ZNF562: variants seen among roughly 807,000 people sequenced by gnomAD.
ZNF562 encodes the protein zinc finger protein 562.
In ZNF562, 13 loss-of-function variants were observed where a neutral mutation model predicts 17.5. The observed-to-expected ratio is 0.74, with a 90% confidence interval of 0.48 to 1.18. The LOEUF is 1.18. ZNF562 is among the 50% of genes most tolerant of loss of function. The probability of loss-of-function intolerance (pLI) is 0.00; values close to 1 mark genes in which losing one functional copy is unlikely to be tolerated. For missense variants in ZNF562, 481 were observed against 498.5 expected (o/e 0.96, Z 0.33); for synonymous variants, 163 against 165.4 (o/e 0.99, Z 0.11).
intron 1 of ZNF562, among the ~76,000 whole-genome samples, chr19:9,662,846 C>T (rs1213749359): frequency 6.6e-6 from 1 of 151,784 alleles, no homozygotes; most frequent in Non-Finnish European, 1.5e-5. Flanking sequence ...TATGGTGAAA[C>T]CTCATCTCTA....
chr19:9,655,164 A>AT (rs1241635493), intron 5 of ZNF562, among the ~76,000 whole-genome samples: 17 of 151,432 alleles, frequency 1.1e-4, no homozygotes, highest in Admixed American at 9.2e-4. Flanking sequence ...CTAATTTTTT[A>AT]TTTTTTTGTA....
At chr19:9,669,756 A>ACACGCG (rs2044106298) in intron 1 of ZNF562, among the ~76,000 whole-genome samples, 1 of 150,504 alleles carries the variant, frequency 6.6e-6, no homozygotes, top group South Asian at 2.2e-4. Context: ...ACACACACAC[A>ACACGCG]CACACACACA....
In ZNF562 at chr19:9,646,577, C is replaced by T. The variant is rs2074808110; in HGVS notation, c.*6372G>A. The T allele has an allele frequency of 6.6e-6, 1 of 152,080 alleles. No individual in the cohort carries two copies. Among genetic ancestry groups the T allele is most frequent in the South Asian group, 2.1e-4 (1 of 4,830 alleles). The allele number at this position is 152,080 out of a possible 1,614,324, so 9.4% of individuals were successfully genotyped here. A position where few individuals can be genotyped will look rare whatever the true frequency, so the allele number is the denominator to read the frequency against. On this transcript the variant is annotated 3_prime_UTR_variant, in exon 6 of 6. Coordinates refer to ENST00000453372, the MANE Select transcript of ZNF562 (RefSeq NM_001130031.2). ...GAAAGAATTCATAAACCTGGGTACT[C>T]TCTACCAAGATTAACACAAGCAAAG...
chr19:9,656,972 G>A (rs577766225), intron 4 of ZNF562, among the ~76,000 whole-genome samples: 13 of 150,604 alleles, frequency 8.6e-5, no homozygotes, highest in African/African-American at 1.9e-4. Context: ...CCCCAGAGGC[G>A]GTGGTTGCAG....
At chr19:9,667,419 A>T (rs1202428989) in intron 1 of ZNF562, among the ~76,000 whole-genome samples, 1 of 152,218 alleles carries the variant, frequency 6.6e-6, no homozygotes, top group Non-Finnish European at 1.5e-5. Flanking sequence ...CATACTGAAC[A>T]GGGAAAAATT....
intron 1 of ZNF562, among the ~76,000 whole-genome samples, chr19:9,672,226 G>A (rs541875954): frequency 6.6e-6 from 1 of 152,172 alleles, no homozygotes; most frequent in South Asian, 2.1e-4. Flanking sequence ...ACACCCAAGA[G>A]CATACGTTGA....
At position 9,656,590 on chromosome 19, in the gene ZNF562, T is replaced by G; in HGVS notation, c.305A>C (p.Gln102Pro). The change falls in exon 5 of 6, where the codon CAG (glutamine) becomes CCG (proline). Residue 102 changes from glutamine to proline, a missense_variant. This residue lies in a region of ZNF562 where 403 missense variants were observed against 386.4 expected (regional missense o/e 1.04). Transcript: ENST00000453372. Reference sequence around the variant, plus strand: ...TATTTGATTCTTCAAAAAACCCTGCTGAAGTGATGACCGTTTGGTTCTAGG... The same window carrying G: ...TATTTGATTCTTCAAAAAACCCTGCGGAAGTGATGACCGTTTGGTTCTAGG... ...IQPRTKRSSLQQGFLKNQIFT... is the reference protein window; with the variant it reads ...IQPRTKRSSLPQGFLKNQIFT... 7 of 1,614,108 alleles carry G rather than the reference T, an allele frequency of 4.3e-6. No homozygotes were observed. The highest frequency in any genetic ancestry group is 5.1e-6 in the Non-Finnish European group (6 of 1,179,990).
chr19:9,651,148 T>G lies in ZNF562; in HGVS notation c.*1801A>C, dbSNP rs1250735601. On this transcript the variant is annotated 3_prime_UTR_variant, in exon 6 of 6. Coordinates refer to ENST00000453372, the MANE Select transcript of ZNF562 (RefSeq NM_001130031.2). The stretch of plus-strand genomic sequence containing the variant: ...AAAAAACTAAAAATGTGAAGCAGCT[T>G]TGAAACTGACAAATGAGTAGAGGCT... 6.6e-6 allele frequency: 1 copy of G among 152,042 alleles called. No homozygotes were observed. Among genetic ancestry groups the G allele is most frequent in the African/African-American group, 2.4e-5 (1 of 41,378 alleles). The allele number at this position is 152,042 out of a possible 1,614,324, so 9.4% of individuals were successfully genotyped here. A position where few individuals can be genotyped will look rare whatever the true frequency, so the allele number is the denominator to read the frequency against.
rs2074779834 is a variant in ZNF562, at chr19:9,642,615, C to A, written c.*10334G>T. The stretch of plus-strand genomic sequence containing the variant: ...CATATTTAATTTTTTAAAAAATCAA[C>A]AAAGATAGAGGGAAAACCCAAAATG... On this transcript the variant is annotated 3_prime_UTR_variant, in exon 6 of 6. Coordinates refer to ENST00000453372, the MANE Select transcript of ZNF562 (RefSeq NM_001130031.2). The A allele has an allele frequency of 6.6e-6, 1 of 151,710 alleles. No homozygotes were observed. Among genetic ancestry groups the A allele is most frequent in the African/African-American group, 2.4e-5 (1 of 41,252 alleles). The allele number at this position is 151,710 out of a possible 1,614,324, so 9.4% of individuals were successfully genotyped here. A position where few individuals can be genotyped will look rare whatever the true frequency, so the allele number is the denominator to read the frequency against.
intron 1 of ZNF562, among the ~76,000 whole-genome samples, chr19:9,666,333 A>G (rs1218491256): frequency 6.6e-6 from 1 of 151,996 alleles, no homozygotes; most frequent in Non-Finnish European, 1.5e-5. Flanking sequence ...CAAAAAAAAA[A>G]AAAAAAAAAT....
intron 4 of ZNF562, among the ~76,000 whole-genome samples, chr19:9,656,871 A>AATAT (rs142526474): frequency 0.029 from 4,123 of 142,374 alleles, 223 homozygotes; most frequent in African/African-American, 0.1. Flanking sequence ...AAAATACAAA[A>AATAT]ATATATATAT....
At position 9,662,302 on chromosome 19, in the gene ZNF562, G is replaced by A. The variant is rs568873006; in HGVS notation, c.-130-1428C>T. ...AAATATTCAAAAGATGGCCAGGCGC[G>A]GTGGCTCACACTTGTAATCTCAGTA... On this transcript the variant is annotated intron_variant, in intron 1 of 5. Coordinates refer to ENST00000453372, the MANE Select transcript of ZNF562 (RefSeq NM_001130031.2). Among the ~76,000 whole-genome samples, 139 of 152,104 alleles carry A rather than the reference G, an allele frequency of 9.1e-4. 1 individual carries two copies. The highest frequency in any genetic ancestry group is 3.2e-3 in the African/African-American group (131 of 41,502).
At chr19:9,673,540 C>T (rs1003606604) in intron 1 of ZNF562, among the ~76,000 whole-genome samples, 3 of 151,926 alleles carry the variant, frequency 2.0e-5, no homozygotes, top group Non-Finnish European at 4.4e-5. Flanking sequence ...TCAGGTGATC[C>T]GCCTGCCTCT....
intron 2 of ZNF562, 32 bp from the exon 3 acceptor site, chr19:9,659,499 A>G (rs1266941472): frequency 1.9e-6 from 3 of 1,546,388 alleles, no homozygotes; most frequent in Non-Finnish European, 2.6e-6. Flanking sequence ...ATGAGAAGCC[A>G]GAGCTGCCCA....
At chr19:9,664,307 G>T (rs865839882) in intron 1 of ZNF562, among the ~76,000 whole-genome samples, 2 of 152,144 alleles carry the variant, frequency 1.3e-5, no homozygotes, top group African/African-American at 2.4e-5. Flanking sequence ...GACCACGAGT[G>T]GTCCACCCGC....
chr19:9,667,080 C>T (rs2043982356), intron 1 of ZNF562, among the ~76,000 whole-genome samples: 1 of 152,156 alleles, frequency 6.6e-6, no homozygotes, highest in African/African-American at 2.4e-5. Flanking sequence ...AACAAAACTA[C>T]ACGCCAATAT....
chr19:9,660,960 G>A (rs1175914035), intron 1 of ZNF562, 86 bp from the exon 2 acceptor site: 4 of 441,608 alleles, frequency 9.1e-6, no homozygotes, highest in African/African-American at 4.0e-5. Context: ...GGTGACAGAT[G>A]TGAAGGCCAC....
At position 9,660,745 on chromosome 19, in the gene ZNF562, C is replaced by G; in HGVS notation, c.-1G>C. 6.2e-7 allele frequency: 1 copy of G among 1,613,542 alleles called. No homozygotes were observed. Among genetic ancestry groups the G allele is most frequent in the African/African-American group, 1.3e-5 (1 of 74,992 alleles). On this transcript the variant is annotated 5_prime_UTR_variant, in exon 2 of 6. Transcript: ENST00000453372. Reference sequence around the variant, plus strand: ...CATGGGACATATCAAAGGCTGACATCCTCTGAAGCTGATGGTGAGATGTGC... The same window carrying G: ...CATGGGACATATCAAAGGCTGACATGCTCTGAAGCTGATGGTGAGATGTGC...
chr19:9,670,503 A>G (rs1437959652), intron 1 of ZNF562, among the ~76,000 whole-genome samples: 1 of 146,490 alleles, frequency 6.8e-6, no homozygotes, highest in East Asian at 1.9e-4. Flanking sequence ...TCAGCCATAA[A>G]GAGAATGGAA....
Sources: gnomAD v4.1 joint callset for allele counts (sites outside exome capture counted in the v4.1 genomes callset) on GRCh38, gnomAD v4.1.1 for gene constraint, gnomAD v4.1.1 regional missense constraint, MANE v1.5 for transcripts, NCBI Gene and HGNC (gene_info 2026-07-23, HGNC 2026-07-21) for gene names.